Variants in ZNF487 observed in about 807,000 individuals in gnomAD.
ZNF487 encodes zinc finger protein 487.
Under a neutral mutation model 3.0 loss-of-function variants are expected in ZNF487, and 4 were observed. The observed-to-expected ratio is 1.35, with a 90% CI of 0.66 to 3.08. ZNF487 has a LOEUF of 3.08. ZNF487 is among the 30% of genes most tolerant of loss of function. The probability of loss-of-function intolerance (pLI) is 0.01; values close to 1 mark genes in which losing one functional copy is unlikely to be tolerated. For synonymous variants in ZNF487, 55 were observed against 34.6 expected (o/e 1.59, Z -2.06); for missense variants, 146 against 98.7 (o/e 1.48, Z -2.03).
chr10:43,451,104 G>A (rs1026708209), intron 1 of ZNF487, among the ~76,000 whole-genome samples: 7 of 151,752 alleles, frequency 4.6e-5, no homozygotes, highest in East Asian at 1.9e-4. Flanking sequence ...GTGCCACCAC[G>A]CCCAGCTAAT....
intron 1 of ZNF487, among the ~76,000 whole-genome samples, chr10:43,440,075 T>G (rs1250338732): frequency 7.4e-6 from 1 of 134,672 alleles, no homozygotes; most frequent in African/African-American, 2.6e-5. Flanking sequence ...TGAGGCGAAG[T>G]TTCACTCATG....
intron 1 of ZNF487, among the ~76,000 whole-genome samples, chr10:43,475,031 C>G (rs866066353): frequency 8.5e-5 from 13 of 152,166 alleles, no homozygotes; most frequent in Admixed American, 4.6e-4. Context: ...CTGCCTCCAC[C>G]TCATTCTCCC....
In ZNF487 at chr10:43,476,187, A is replaced by G; in HGVS notation, c.115A>G (p.Ser39Gly). ...VLWILEEESP[S>G]QSHLDCCIDD... ...GTGGATATTAGAGGAAGAGTCCCCAAGTCAGAGCCACCTAGGTGAGTTAAT... is the reference window on the plus strand; with the variant it reads ...GTGGATATTAGAGGAAGAGTCCCCAGGTCAGAGCCACCTAGGTGAGTTAAT... Residue 39 changes from serine to glycine, a missense_variant, in exon 3 of 4, where the codon AGT becomes GGT. Physicochemically the swap from Ser to Gly is moderately conservative, Grantham distance 56. Transcript: ENST00000437590. 2.8e-6 allele frequency: 2 copies of G among 717,430 alleles called. No individual in the cohort carries two copies. The highest frequency in any genetic ancestry group is 5.2e-6 in the Non-Finnish European group (2 of 385,102). 44.4% of individuals were successfully genotyped at this position (717,430 alleles called of 1,614,324 possible).
At chr10:43,486,225 C>G (rs1841469142), downstream of ZNF487, among the ~76,000 whole-genome samples, 1 of 152,114 alleles carries the variant, frequency 6.6e-6, no homozygotes. Context: ...TAAAAACATG[C>G]TTTTAAGAAA....
At position 43,460,380 on chromosome 10, in the gene ZNF487, C is replaced by CT. The variant is rs199998705; in HGVS notation, c.-93-15321dup. Among the ~76,000 whole-genome samples the CT allele has an allele frequency of 6.6e-3, 794 of 121,080 alleles. 7 individuals are homozygous for CT. Among genetic ancestry groups the CT allele is most frequent in the African/African-American group, 8.4e-3 (261 of 31,058 alleles). 79.4% of individuals were successfully genotyped at this position (121,080 alleles called of 152,430 possible). A position where few individuals can be genotyped will look rare whatever the true frequency, so the allele number is the denominator to read the frequency against. ...AAAGAGTCTGTTGTTTTCTTTCTTT[C>CT]TTTTTTTTTTTTTTTTTTTTGAGAC... On this transcript the variant is annotated intron_variant, in intron 1 of 3. Transcript: ENST00000437590.
intron 2 of ZNF487, 100 bp downstream of exon 2, chr10:43,475,947 G>A (rs1841084495): frequency 3.1e-6 from 2 of 651,980 alleles, no homozygotes; most frequent in Admixed American, 2.5e-5. Context: ...AAAGGCTTGA[G>A]ACTCAGGAGT....
At chr10:43,457,172 G>A (rs1286024714) in intron 1 of ZNF487, among the ~76,000 whole-genome samples, 6 of 152,198 alleles carry the variant, frequency 3.9e-5, no homozygotes, top group African/African-American at 1.4e-4. Context: ...CTTGAGCCCG[G>A]AAGGCGGAGG....
downstream of ZNF487, among the ~76,000 whole-genome samples, chr10:43,487,929 C>CAAAAAAA (rs76705594): frequency 5.2e-4 from 21 of 40,434 alleles, no homozygotes; most frequent in African/African-American, 1.0e-3. Context: ...TACCAAAATA[C>CAAAAAAA]AAAAAAAAAA....
chr10:43,495,891 G>A, the ZNF487 span: 863 of 415,138 alleles, frequency 2.1e-3, 2 homozygotes, highest in African/African-American at 0.015. Context: ...AAAGGACAGA[G>A]TAGGTATGCT....
At chr10:43,506,632 G>A in the ZNF487 span, among the ~76,000 whole-genome samples, 83 of 152,106 alleles carry the variant, frequency 5.5e-4, no homozygotes, top group African/African-American at 2.0e-3. Flanking sequence ...AGGAACTAGG[G>A]GAATAAAGCT....
At chr10:43,467,759 G>T (rs1453806857) in intron 1 of ZNF487, among the ~76,000 whole-genome samples, 1 of 151,438 alleles carries the variant, frequency 6.6e-6, no homozygotes, top group East Asian at 2.0e-4. Flanking sequence ...AGAGGTTGCA[G>T]TGAGCCGAGA....
At chr10:43,465,351 C>T (rs1477559351) in intron 1 of ZNF487, among the ~76,000 whole-genome samples, 120 of 149,222 alleles carry the variant, frequency 8.0e-4, no homozygotes, top group African/African-American at 2.4e-3. Context: ...ACTTCCCAGA[C>T]GGGGTGGCTG....
intron 1 of ZNF487, among the ~76,000 whole-genome samples, chr10:43,446,060 G>A (rs1178716165): frequency 2.0e-5 from 3 of 152,194 alleles, no homozygotes; most frequent in Non-Finnish European, 4.4e-5. Context: ...ACAAAATGGA[G>A]TCTCCTATGT....
intron 1 of ZNF487, among the ~76,000 whole-genome samples, chr10:43,451,309 G>A (rs547048653): frequency 6.6e-6 from 1 of 151,492 alleles, no homozygotes; most frequent in African/African-American, 2.4e-5. Flanking sequence ...GCAATGGTGC[G>A]ATCTCAGCTC....
At chr10:43,507,566 C>T in the ZNF487 span, among the ~76,000 whole-genome samples, 1 of 152,220 alleles carries the variant, frequency 6.6e-6, no homozygotes, top group South Asian at 2.1e-4. Flanking sequence ...TGGTACCAGC[C>T]TCTCCTGCTG....
At chr10:43,451,395 G>A (rs1477754993) in intron 1 of ZNF487, among the ~76,000 whole-genome samples, 5 of 151,264 alleles carry the variant, frequency 3.3e-5, no homozygotes, top group African/African-American at 7.3e-5. Flanking sequence ...ACAGGTGTGC[G>A]CCACCAGGCC....
chr10:43,498,105 T>A, the ZNF487 span, among the ~76,000 whole-genome samples: 2,136 of 11,278 alleles, frequency 0.19, 198 homozygotes, highest in East Asian at 0.27. Context: ...ATATATTTTT[T>A]TTTTTTTTCT....
chr10:43,450,955 A>G (rs1839986074), intron 1 of ZNF487, among the ~76,000 whole-genome samples: 1 of 151,790 alleles, frequency 6.6e-6, no homozygotes, highest in South Asian at 2.1e-4. Flanking sequence ...TTTTATTATT[A>G]TTATTTTTTG....
chr10:43,458,238 G>C (rs994290569), intron 1 of ZNF487: 2 of 152,186 alleles, frequency 1.3e-5, no homozygotes, highest in Non-Finnish European at 1.5e-5. Context: ...AATGTGGGCA[G>C]AGCACACTTT....
Sources: allele counts gnomAD v4.1 joint callset (sites outside exome capture counted in the v4.1 genomes callset), GRCh38; gene constraint gnomAD v4.1.1; transcripts MANE v1.5; gene names NCBI Gene and HGNC (gene_info 2026-07-23, HGNC 2026-07-21).